Variants in POSTN observed in about 807,000 individuals in gnomAD.
The protein encoded by POSTN is osteoblast specific factor 2 (fasciclin I-like).
In POSTN, 71 loss-of-function variants were observed where a neutral mutation model predicts 104.5. The observed-to-expected ratio is 0.68, with a 90% CI of 0.56 to 0.83. POSTN has a LOEUF of 0.83. Ranked by LOEUF, POSTN falls within the 40% of genes least tolerant of loss-of-function variation. The probability of loss-of-function intolerance (pLI) is 0.00; values close to 1 mark genes in which losing one functional copy is unlikely to be tolerated. For synonymous variants in POSTN, 355 were observed against 340.7 expected (o/e 1.04, Z -0.46); for missense variants, 949 against 1,006.8 (o/e 0.94, Z 0.78).
intron 2 of POSTN, among the ~76,000 whole-genome samples, chr13:37,592,751 G>A (rs1950977143): frequency 6.6e-6 from 1 of 152,096 alleles, no homozygotes; most frequent in African/African-American, 2.4e-5. Flanking sequence ...TTAATCAATA[G>A]GAGTCCCTGT....
chr13:37,576,483 G>A (rs1950412311), intron 16 of POSTN, among the ~76,000 whole-genome samples: 1 of 152,012 alleles, frequency 6.6e-6, no homozygotes, highest in Non-Finnish European at 1.5e-5. Context: ...AATTTAGTAG[G>A]AGAAAATAAT....
chr13:37,589,357 T>C (rs1343231749), intron 4 of POSTN, among the ~76,000 whole-genome samples: 2 of 152,270 alleles, frequency 1.3e-5, no homozygotes, highest in African/African-American at 2.4e-5. Flanking sequence ...TTTTACTTTT[T>C]ATTATTATAC....
chr13:37,567,970 A>G (rs1950163963), intron 21 of POSTN, among the ~76,000 whole-genome samples: 1 of 151,726 alleles, frequency 6.6e-6, no homozygotes, highest in African/African-American at 2.4e-5. Flanking sequence ...AAAAAGCACT[A>G]CCATTCTACA....
chr13:37,588,002 A>G lies in POSTN; in HGVS notation c.442-16T>C, dbSNP rs759153790. The G allele has an allele frequency of 1.9e-6, 3 of 1,566,958 alleles. No homozygotes were observed. The highest frequency in any genetic ancestry group is 2.6e-6 in the Non-Finnish European group (3 of 1,145,166). ...TACGGATATCCTAGGAAAAATTGCA[A>G]TGATAGAAATTCAATTTATTGTGGA... On this transcript the variant is annotated splice_polypyrimidine_tract_variant and intron_variant, in intron 4 of 22. Transcript: ENST00000379747.
rs1419953359 is a variant in POSTN, at chr13:37,579,290, A to G, written c.1730T>C (p.Phe577Ser). 3.1e-6 allele frequency: 5 copies of G among 1,606,858 alleles called. No individual in the cohort carries two copies. The highest frequency in any genetic ancestry group is 3.4e-6 in the Non-Finnish European group (4 of 1,173,554). Residue 577 changes from phenylalanine (F) to serine (S), a missense_variant, in exon 13 of 23, where the codon TTT becomes TCT. Phe to Ser is a radical substitution (Grantham distance 155, BLOSUM62 -2). Coordinates refer to ENST00000379747, the MANE Select transcript of POSTN (RefSeq NM_006475.3). The stretch of plus-strand genomic sequence containing the variant: ...TAAAATGTTAGTAACACCAGGTTCA[A>G]ATCCTTTTCCAATGAAAACTCCTGG... ...LTPGVFIGKG[F>S]EPGVTNILKT...
chr13:37,590,384 G>A lies in POSTN; in HGVS notation c.429C>T (p.Asp143=). ...AATAATGAATTACAGAATCCAAGTT[G>A]TCCCAAGCCTCATTACTCGGTGCAA... ...TYFAPSNEAW[D]NLDSDIRRGL... is the part of the protein sequence containing the mutation. Residue 143 remains aspartate, a synonymous_variant, in exon 4 of 23, where the codon GAC becomes GAT. Coordinates refer to ENST00000379747, the MANE Select transcript of POSTN (RefSeq NM_006475.3). The A allele has an allele frequency of 6.3e-7, 1 of 1,577,026 alleles. No homozygotes were observed. Among genetic ancestry groups the A allele is most frequent in the Non-Finnish European group, 8.6e-7 (1 of 1,159,806 alleles).
At chr13:37,594,358 A>G (rs1032535843) in intron 2 of POSTN, among the ~76,000 whole-genome samples, 2 of 152,196 alleles carry the variant, frequency 1.3e-5, no homozygotes, top group Admixed American at 1.3e-4. Context: ...AATGCAGTAG[A>G]TGAGATAAAA....
rs1362120437 is a variant in POSTN, at chr13:37,587,934, A to G, written c.494T>C (p.Leu165Ser). ...SNVNVELLNA[L>S]HSHMINKRML... ...TCTCTTATTAATCATGTGACTATGT[A>G]AAGCATTCAGTAATTCAACATTCAC... Residue 165 changes from leucine (L) to serine (S), a missense_variant, in exon 5 of 23, where the codon TTA becomes TCA. Coordinates refer to ENST00000379747, the MANE Select transcript of POSTN (RefSeq NM_006475.3). 4.1e-5 allele frequency: 65 copies of G among 1,603,190 alleles called. No individual in the cohort carries two copies. Among genetic ancestry groups the G allele is most frequent in the Non-Finnish European group, 5.6e-5 (65 of 1,170,724 alleles).
intron 19 of POSTN, 46 bp downstream of exon 19, chr13:37,570,534 A>G (rs745673455): frequency 2.4e-6 from 3 of 1,244,868 alleles, no homozygotes; most frequent in Non-Finnish European, 3.5e-6. Flanking sequence ...CTATAATTTG[A>G]TCTTTATAAT....
At position 37,564,580 on chromosome 13, in the gene POSTN, G is replaced by C. The variant is rs768211128; in HGVS notation, c.2432-20C>G. 1.3e-6 allele frequency: 2 copies of C among 1,556,396 alleles called. No individual in the cohort carries two copies. The highest frequency in any genetic ancestry group is 2.3e-5 in the South Asian group (2 of 88,568). ...GTGTGTCTAAAATTAAATTGTTGTA[G>C]TTAGAAATACTTCGCAATTATGGCT... On this transcript the variant is annotated intron_variant, in intron 21 of 22. Coordinates refer to ENST00000379747, the MANE Select transcript of POSTN (RefSeq NM_006475.3).
chr13:37,564,366 T>C (rs1000706713), intron 22 of POSTN, among the ~76,000 whole-genome samples, 153 bp downstream of exon 22: 2 of 151,328 alleles, frequency 1.3e-5, no homozygotes, highest in South Asian at 4.2e-4. Context: ...TTTCTGATTG[T>C]TATCAAAATT....
At chr13:37,595,286 A>G (rs1951053729) in intron 2 of POSTN, among the ~76,000 whole-genome samples, 1 of 152,126 alleles carries the variant, frequency 6.6e-6, no homozygotes. Context: ...AAAGAGGAAA[A>G]CTCAGAGCCT....
At chr13:37,580,176 C>A (rs1264350103) in intron 11 of POSTN, among the ~76,000 whole-genome samples, 185 bp from the exon 12 acceptor site, 2 of 152,038 alleles carry the variant, frequency 1.3e-5, no homozygotes, top group Non-Finnish European at 2.9e-5. Context: ...CTGAAATATA[C>A]AATACAATTT....
Position 37,580,507 on chromosome 13 carries a change from C to T in POSTN, c.1529+54G>A, listed in dbSNP as rs550515457. Reference sequence around the variant, plus strand: ...GCCTTTTGGGATACCGCCTATGAAACAAAAATATGCCAATAGCTCTCATTC... The same window carrying T: ...GCCTTTTGGGATACCGCCTATGAAATAAAAATATGCCAATAGCTCTCATTC... On this transcript the variant is annotated intron_variant, in intron 11 of 22. Transcript: ENST00000379747. 5.6e-6 allele frequency: 9 copies of T among 1,604,628 alleles called. No homozygotes were observed. The East Asian group carries it at 1.8e-4, about 32-fold the overall frequency.
At chr13:37,586,741 A>T (rs1236863992) in intron 6 of POSTN, 41 bp downstream of exon 6, 2 of 1,549,534 alleles carry the variant, frequency 1.3e-6, no homozygotes, top group Admixed American at 2.0e-5. Context: ...GGAGAAGAAG[A>T]GGGATTTCAA....
Position 37,592,081 on chromosome 13 carries a change from CA to C in POSTN, c.283+18del. 2 of 1,572,494 alleles carry C rather than the reference CA, an allele frequency of 1.3e-6. No homozygotes were observed. Among genetic ancestry groups the C allele is most frequent in the South Asian group, 1.1e-5 (1 of 89,660 alleles). On this transcript the variant is annotated intron_variant, in intron 3 of 22. Coordinates refer to ENST00000379747, the MANE Select transcript of POSTN (RefSeq NM_006475.3). ...TTTGCATATAATTCCTTATTTAATT[CA>C]AAAAATTGAGATTTTACCTGCTGGG...
rs1182989787 is a variant in POSTN at position 37,562,665 on chromosome 13, A to G, written c.*668T>C. ...TGTTCCCAAGTCCAAACCACTTTTT[A>G]ACTTAAATCTTGAGTTTTTCTGAAT... On this transcript the variant is annotated 3_prime_UTR_variant, in exon 23 of 23. Coordinates refer to ENST00000379747, the MANE Select transcript of POSTN (RefSeq NM_006475.3). The G allele has an allele frequency of 6.6e-6, 1 of 152,214 alleles. No homozygotes were observed. The highest frequency in any genetic ancestry group is 1.5e-5 in the Non-Finnish European group (1 of 68,044). 9.4% of individuals were successfully genotyped at this position (152,214 alleles called of 1,614,324 possible). A position where few individuals can be genotyped will look rare whatever the true frequency, so the allele number is the denominator to read the frequency against.
chr13:37,587,215 A>T (rs1472673961), intron 5 of POSTN, among the ~76,000 whole-genome samples: 1 of 152,194 alleles, frequency 6.6e-6, no homozygotes, highest in Non-Finnish European at 1.5e-5. Flanking sequence ...TTTCTCTTTT[A>T]TGCAAATAGT....
chr13:37,594,501 A>G (rs1951030219), intron 2 of POSTN, among the ~76,000 whole-genome samples: 1 of 128,608 alleles, frequency 7.8e-6, no homozygotes, highest in Admixed American at 8.3e-5. Flanking sequence ...ATGTTCCCAT[A>G]TGGTCAGTAG....
Sources: gnomAD v4.1 joint callset for allele counts (sites outside exome capture counted in the v4.1 genomes callset) on GRCh38, gnomAD v4.1.1 for gene constraint, MANE v1.5 for transcripts, NCBI Gene and HGNC (gene_info 2026-07-23, HGNC 2026-07-21) for gene names.